Variants in HMGB1 observed in about 807,000 individuals in gnomAD.
HMGB1 encodes high mobility group box 1, also known as high mobility group protein B1.
For synonymous variants in HMGB1, 81 were observed against 84.0 expected (o/e 0.96, Z 0.19); for missense variants, 79 against 253.5 (o/e 0.31, Z 4.67).
At chr13:30,505,949 CCCTGGCGTCTGGTGATCAG>C (rs1887856547) in intron 1 of HMGB1, among the ~76,000 whole-genome samples, 1 of 151,658 alleles carries the variant, frequency 6.6e-6, no homozygotes, top group African/African-American at 2.4e-5. Flanking sequence ...GGTCTTGAAC[CCCTGGCGTCTGGTGATCAG>C]CCTGCCTCTC....
At chr13:30,509,435 C>T (rs930580601) in intron 1 of HMGB1, among the ~76,000 whole-genome samples, 6 of 151,998 alleles carry the variant, frequency 3.9e-5, no homozygotes, top group African/African-American at 1.5e-4. Flanking sequence ...GACGGGGTTT[C>T]GCAATGTTGG....
chr13:30,548,586 ATTGTTACAAAAT>A (rs373875874), intron 1 of HMGB1, among the ~76,000 whole-genome samples: 3 of 152,230 alleles, frequency 2.0e-5, no homozygotes, highest in African/African-American at 2.4e-5. Flanking sequence ...AATTACAAGC[ATTGTTACAAAAT>A]AAAAGAGTAT....
intron 1 of HMGB1, among the ~76,000 whole-genome samples, chr13:30,548,605 G>C (rs1027085786): frequency 6.6e-6 from 1 of 152,184 alleles, no homozygotes; most frequent in Non-Finnish European, 1.5e-5. Context: ...AAATAAAAGA[G>C]TATGCGGTTT....
chr13:30,532,391 G>A lies in HMGB1; in HGVS notation c.-14-68697C>T, dbSNP rs563711002. Among the ~76,000 whole-genome samples, 5 of 150,340 alleles carry A rather than the reference G, an allele frequency of 3.3e-5. No individual in the cohort carries two copies. In the East Asian group the frequency reaches 9.7e-4, roughly 29 times the overall value. On this transcript the variant is annotated intron_variant, in intron 1 of 4. Transcript: ENST00000405805. ...TTGCAACTTGTTTTTTTTCCACTAA[G>A]CAGTGACGCAGATATCTTTCCATAT... is the stretch of plus-strand genomic sequence containing the variant.
In HMGB1 at chr13:30,456,760, C is replaced by CGGGGGGGGGGG. The variant is rs386378689; in HGVS notation, c.*4586_*4596dup. 3 of 13,538 alleles carry CGGGGGGGGGGG rather than the reference C, an allele frequency of 2.2e-4. No homozygotes were observed. The highest frequency in any genetic ancestry group is 7.1e-4 in the African/African-American group (2 of 2,810). 0.8% of individuals were successfully genotyped at this position (13,538 alleles called of 1,614,324 possible). On this transcript the variant is annotated 3_prime_UTR_variant, in exon 5 of 5. Coordinates refer to ENST00000341423, the MANE Select transcript of HMGB1 (RefSeq NM_002128.7). Reference sequence around the variant, plus strand: ...CAGCATAAATAACAGCTTTTGTGGGCGGGGGGGGGGGGTGGTGGGGTGCAA... The same window carrying CGGGGGGGGGGG: ...CAGCATAAATAACAGCTTTTGTGGGCGGGGGGGGGGGGGGGGGGGGGGGTGGTGGGGTGCAA...
At chr13:30,594,375 C>T (rs1023250264) in intron 1 of HMGB1, among the ~76,000 whole-genome samples, 3 of 152,178 alleles carry the variant, frequency 2.0e-5, no homozygotes, top group African/African-American at 4.8e-5. Context: ...CCCTCCCTCC[C>T]GCTCTCCCTC....
chr13:30,612,034 C>G (rs766168798), intron 1 of HMGB1, among the ~76,000 whole-genome samples: 1 of 152,060 alleles, frequency 6.6e-6, no homozygotes, highest in Non-Finnish European at 1.5e-5. Context: ...GATAACTCAT[C>G]AACAAATATG....
At chr13:30,472,951 A>C (rs1426555447) in intron 1 of HMGB1, among the ~76,000 whole-genome samples, 1 of 151,950 alleles carries the variant, frequency 6.6e-6, no homozygotes, top group East Asian at 1.9e-4. Flanking sequence ...AAGCAAGGAT[A>C]CTGACATCCA....
chr13:30,472,187 G>C (rs111236148), intron 1 of HMGB1, among the ~76,000 whole-genome samples: 2 of 152,204 alleles, frequency 1.3e-5, no homozygotes, highest in African/African-American at 4.8e-5. Flanking sequence ...GCTGAAGCAC[G>C]AGAATCACTT....
intron 1 of HMGB1, among the ~76,000 whole-genome samples, chr13:30,616,480 A>G (rs1390952471): frequency 2.0e-5 from 3 of 152,076 alleles, no homozygotes; most frequent in Admixed American, 2.0e-4. Flanking sequence ...AGTGTATTCC[A>G]TTCTAAAAAT....
intron 1 of HMGB1, among the ~76,000 whole-genome samples, chr13:30,607,695 T>G (rs1950473936): frequency 1.3e-5 from 2 of 152,176 alleles, no homozygotes; most frequent in African/African-American, 4.8e-5. Context: ...GAGTAGTTCT[T>G]GATCATGCTA....
chr13:30,515,557 T>C (rs1475502258), intron 1 of HMGB1, among the ~76,000 whole-genome samples: 1 of 152,190 alleles, frequency 6.6e-6, no homozygotes, highest in Non-Finnish European at 1.5e-5. Flanking sequence ...GAAATAACTT[T>C]ATCTTATCGC....
At chr13:30,463,480 A>G in intron 2 of HMGB1, 51 bp downstream of exon 2, 2 of 1,575,792 alleles carry the variant, frequency 1.3e-6, no homozygotes, top group South Asian at 1.1e-5. Flanking sequence ...TGCATCCTCA[A>G]TTGGAAACTG....
At chr13:30,603,784 T>A (rs1319369738) in intron 1 of HMGB1, among the ~76,000 whole-genome samples, 4 of 152,242 alleles carry the variant, frequency 2.6e-5, no homozygotes, top group African/African-American at 9.6e-5. Context: ...ATCCTTTAAA[T>A]CATCTCTAGT....
intron 1 of HMGB1, among the ~76,000 whole-genome samples, chr13:30,532,112 G>A (rs184222873): frequency 4.5e-4 from 69 of 152,086 alleles, no homozygotes; most frequent in African/African-American, 1.6e-3. Flanking sequence ...GCCGAGGCGA[G>A]CAGATCACAA....
chr13:30,566,920 T>C (rs1352119772), intron 1 of HMGB1, among the ~76,000 whole-genome samples: 1 of 152,214 alleles, frequency 6.6e-6, no homozygotes, highest in Non-Finnish European at 1.5e-5. Flanking sequence ...AGGAATCATG[T>C]AGTAACTAAT....
At chr13:30,508,569 T>C (rs1310521457) in intron 1 of HMGB1, among the ~76,000 whole-genome samples, 3 of 152,018 alleles carry the variant, frequency 2.0e-5, no homozygotes, top group African/African-American at 7.2e-5. Flanking sequence ...TTGAAAACAT[T>C]CCTTGGTCAC....
At chr13:30,534,209 G>T (rs1475255074) in intron 1 of HMGB1, among the ~76,000 whole-genome samples, 1 of 152,106 alleles carries the variant, frequency 6.6e-6, no homozygotes, top group South Asian at 2.1e-4. Flanking sequence ...AAAGATGACC[G>T]TCCAAATTCC....
intron 1 of HMGB1, among the ~76,000 whole-genome samples, chr13:30,549,295 AATAC>A (rs1402379644): frequency 6.6e-6 from 1 of 152,170 alleles, no homozygotes; most frequent in Non-Finnish European, 1.5e-5. Flanking sequence ...TAAATAAATA[AATAC>A]GAATGTCTGA....
Sources: gnomAD v4.1 joint callset for allele counts (sites outside exome capture counted in the v4.1 genomes callset) on GRCh38, gnomAD v4.1.1 for gene constraint, MANE v1.5 for transcripts, NCBI Gene and HGNC (gene_info 2026-07-23, HGNC 2026-07-21) for gene names.